Variants in ALS2 observed in about 807,000 individuals in gnomAD.
ALS2 encodes the protein alsin Rho guanine nucleotide exchange factor ALS2.
In ALS2, 117 loss-of-function variants were observed where a neutral mutation model predicts 203.4. That is an observed-to-expected ratio of 0.58 (90% CI 0.50 to 0.67). The LOEUF (loss-of-function observed/expected upper bound fraction) is 0.67. ALS2 is among the 30% of genes least tolerant of loss of function. The pLI is 0.00. For missense variants in ALS2, 1,715 were observed against 1,989.4 expected (o/e 0.86, Z 2.62); for synonymous variants, 718 against 725.9 (o/e 0.99, Z 0.17).
At position 201,733,406 on chromosome 2, in the gene ALS2, T is replaced by C. The variant is rs751084476; in HGVS notation, c.2450A>G (p.Gln817Arg). The C allele has an allele frequency of 6.2e-6, 10 of 1,613,648 alleles. No homozygotes were observed. Among genetic ancestry groups the C allele is most frequent in the Non-Finnish European group, 8.5e-6 (10 of 1,179,874 alleles). The change falls in exon 13 of 34, where the codon CAA becomes CGA. Residue 817 changes from glutamine to arginine, a missense_variant. Physicochemically the swap from Gln to Arg is conservative, Grantham distance 43 (BLOSUM62 1). Coordinates refer to ENST00000264276, the MANE Select transcript of ALS2 (RefSeq NM_020919.4). ...DFLNKNQELL[Q>R]DLSEVNDENT... ...TTCGTCATTCACTTCTGACAAATCT[T>C]GCAACAGCTCTTGGTTTTTATTTAG...
intron 23 of ALS2, chr2:201,722,194 T>C (rs1214394524): frequency 6.6e-6 from 1 of 152,138 alleles, no homozygotes; most frequent in Non-Finnish European, 1.5e-5. Flanking sequence ...AAGATCTGAA[T>C]AGACATTTCA....
chr2:201,737,513 A>G (rs1423849742), intron 12 of ALS2, among the ~76,000 whole-genome samples: 1 of 152,248 alleles, frequency 6.6e-6, no homozygotes, highest in Non-Finnish European at 1.5e-5. Context: ...TATAAATTAT[A>G]TCTACCAAAA....
chr2:201,718,272 T>A, intron 23 of ALS2, 62 bp from the exon 24 acceptor site: 1 of 1,555,574 alleles, frequency 6.4e-7, no homozygotes, highest in Non-Finnish European at 8.8e-7. Context: ...TTCATTTATT[T>A]ATTTAGAGAC....
At chr2:201,752,368 T>C (rs1273984498) in intron 7 of ALS2, among the ~76,000 whole-genome samples, 1 of 152,208 alleles carries the variant, frequency 6.6e-6, no homozygotes, top group Non-Finnish European at 1.5e-5. Flanking sequence ...ATTATATGTA[T>C]ATAATAAAGC....
intron 11 of ALS2, among the ~76,000 whole-genome samples, chr2:201,739,235 CAA>C (rs34341730): frequency 0.07 from 2,882 of 41,230 alleles, 40 homozygotes; most frequent in African/African-American, 0.11. Flanking sequence ...GACTGTCTCC[CAA>C]AAAAAAAAAA....
intron 23 of ALS2, chr2:201,722,253 C>G (rs1391690435): frequency 1.3e-5 from 2 of 152,150 alleles, no homozygotes; most frequent in Admixed American, 1.3e-4. Context: ...CATCATTAGT[C>G]ACTAGGGAAT....
intron 6 of ALS2, among the ~76,000 whole-genome samples, chr2:201,754,065 A>C (rs1032746803): frequency 6.7e-6 from 1 of 150,114 alleles, no homozygotes; most frequent in Non-Finnish European, 1.5e-5. Flanking sequence ...GGCTGAAGTG[A>C]AGTGGCACAA....
rs1574665469 is a variant in ALS2, at chr2:201,710,019, T to G, written c.4142A>C (p.His1381Pro). Reference sequence around the variant, plus strand: ...TGTCTCCACAAGCCTGCCCAGGGGGTGCAGAGGAGTGTCACAGGCCTGAGT... The same window carrying G: ...TGTCTCCACAAGCCTGCCCAGGGGGGGCAGAGGAGTGTCACAGGCCTGAGT... ...YLIKACDTPL[H>P]PLGRLVETLV... Residue 1381 changes from histidine (H) to proline (P), a missense_variant, in exon 27 of 34, where the codon CAC becomes CCC. His to Pro is a moderately conservative substitution (Grantham distance 77, BLOSUM62 -2). Around this residue, in one of 3 missense-constraint regions of ALS2, gnomAD observed 1,227 missense variants for 1,413.5 expected, o/e 0.87. Transcript: ENST00000264276. 2 of 1,613,826 alleles carry G rather than the reference T, an allele frequency of 1.2e-6. No individual in the cohort carries two copies. Among genetic ancestry groups the G allele is most frequent in the East Asian group, 2.2e-5 (1 of 44,880 alleles).
At chr2:201,727,528 A>G (rs944980724) in intron 16 of ALS2, among the ~76,000 whole-genome samples, 177 bp downstream of exon 16, 1 of 152,160 alleles carries the variant, frequency 6.6e-6, no homozygotes, top group South Asian at 2.1e-4. Flanking sequence ...GATCTTCACA[A>G]CAGGCCATTT....
chr2:201,746,688 C>T lies in ALS2; in HGVS notation c.1876G>A (p.Val626Met), dbSNP rs1164278206. 1 of 1,614,046 alleles carries T rather than the reference C, an allele frequency of 6.2e-7. No individual in the cohort carries two copies. The highest frequency in any genetic ancestry group is 8.5e-7 in the Non-Finnish European group (1 of 1,180,046). Residue 626 changes from valine (V) to methionine (M), a missense_variant, in exon 9 of 34, where the codon GTG becomes ATG. This residue lies in a region of ALS2 where 1,227 missense variants were observed against 1,413.5 expected (regional missense o/e 0.87). Coordinates refer to ENST00000264276, the MANE Select transcript of ALS2 (RefSeq NM_020919.4). ...CCAGGCTGGAAGTCTTCTGTATCCACTAAAAACAGGGAATAATCCCTGCCT... is the reference window on the plus strand; with the variant it reads ...CCAGGCTGGAAGTCTTCTGTATCCATTAAAAACAGGGAATAATCCCTGCCT... ...AAGRDYSLFL[V>M]DTEDFQPGLY...
chr2:201,744,505 A>G (rs531733991), intron 9 of ALS2, 76 bp from the exon 10 acceptor site: 85 of 1,427,898 alleles, frequency 6.0e-5, no homozygotes, highest in African/African-American at 2.8e-4. Context: ...AAGCTGGCTT[A>G]TATCAGCTGA....
intron 1 of ALS2, among the ~76,000 whole-genome samples, chr2:201,772,300 A>AACT (rs1351864168): frequency 2.0e-5 from 3 of 151,670 alleles, no homozygotes; most frequent in Admixed American, 2.0e-4. Context: ...CAACAACAAC[A>AACT]ATCTAGTCTA....
intron 15 of ALS2, among the ~76,000 whole-genome samples, chr2:201,728,127 G>C (rs180779632): frequency 3.8e-4 from 58 of 152,196 alleles, no homozygotes; most frequent in Non-Finnish European, 6.0e-4. Flanking sequence ...TTAAGTTCTA[G>C]GGTACATCTG....
intron 5 of ALS2, among the ~76,000 whole-genome samples, chr2:201,755,984 G>A (rs1488382986): frequency 2.0e-5 from 3 of 151,988 alleles, no homozygotes; most frequent in Non-Finnish European, 2.9e-5. Context: ...CTATGCATAC[G>A]GAGACTCAAA....
chr2:201,739,923 C>T (rs575906499), intron 11 of ALS2, among the ~76,000 whole-genome samples: 1 of 152,280 alleles, frequency 6.6e-6, no homozygotes, highest in Non-Finnish European at 1.5e-5. Context: ...ATGGAATCAA[C>T]TGACTTTGAG....
Position 201,718,144 on chromosome 2 carries a change from T to C in ALS2, c.3769A>G (p.Ile1257Val), listed in dbSNP as rs1294704732. 1 of 1,613,554 alleles carries C rather than the reference T, an allele frequency of 6.2e-7. No individual in the cohort carries two copies. The highest frequency in any genetic ancestry group is 8.5e-7 in the Non-Finnish European group (1 of 1,179,588). ...GYFSGEWGSG[I>V]KITGTYFKPS... Reference sequence around the variant, plus strand: ...TTGAAGTAGGTTCCAGTGATTTTTATCCCAGATCCCCATTCTCCACTAAAA... The same window carrying C: ...TTGAAGTAGGTTCCAGTGATTTTTACCCCAGATCCCCATTCTCCACTAAAA... The change falls in exon 24 of 34, where the codon ATA (isoleucine) becomes GTA (valine). Residue 1257 changes from isoleucine (I) to valine (V), a missense_variant. By Grantham distance (29) the Ile-to-Val change is conservative. Around this residue, in one of 3 missense-constraint regions of ALS2, gnomAD observed 1,227 missense variants for 1,413.5 expected, o/e 0.87. Coordinates refer to ENST00000264276, the MANE Select transcript of ALS2 (RefSeq NM_020919.4).
intron 9 of ALS2, among the ~76,000 whole-genome samples, chr2:201,746,092 T>G (rs1241706547): frequency 4.6e-5 from 7 of 152,238 alleles, no homozygotes; most frequent in African/African-American, 1.7e-4. Flanking sequence ...TCCCACTTAA[T>G]AGTTAGAAAT....
At chr2:201,740,529 ATC>A (rs1692204066) in intron 11 of ALS2, among the ~76,000 whole-genome samples, 1 of 100,654 alleles carries the variant, frequency 9.9e-6, no homozygotes, top group South Asian at 2.6e-4. Context: ...AAAAGCTGGA[ATC>A]ACAGAAACAA....
chr2:201,748,283 G>A (rs1440746125), intron 8 of ALS2, among the ~76,000 whole-genome samples: 2 of 152,114 alleles, frequency 1.3e-5, no homozygotes, highest in Non-Finnish European at 2.9e-5. Flanking sequence ...AAATTCAGGC[G>A]ATCCAAATAA....
Sources: gnomAD v4.1 joint callset for allele counts (sites outside exome capture counted in the v4.1 genomes callset) on GRCh38, gnomAD v4.1.1 for gene constraint, gnomAD v4.1.1 regional missense constraint, MANE v1.5 for transcripts, NCBI Gene and HGNC (gene_info 2026-07-23, HGNC 2026-07-21) for gene names.